LHFPL5: variants seen among roughly 807,000 people sequenced by gnomAD.
The protein encoded by LHFPL5 is LHFPL tetraspan subfamily member 5 protein.
LHFPL5 carries 12 observed loss-of-function variants against 18.7 expected under a neutral mutation model. The ratio of observed to expected loss-of-function variants is 0.64; its 90% CI spans 0.41 to 1.04. The LOEUF (loss-of-function observed/expected upper bound fraction) is 1.04. Ranked by LOEUF, LHFPL5 falls within the 50% of genes least tolerant of loss-of-function variation. LHFPL5 has a pLI of 0.00. For missense variants in LHFPL5, 259 were observed against 292.1 expected (o/e 0.89, Z 0.83); for synonymous variants, 111 against 120.2 (o/e 0.92, Z 0.50).
chr6:35,814,885 G>A lies in LHFPL5; in HGVS notation c.649+103G>A, dbSNP rs1422299340. 2.9e-6 allele frequency: 3 copies of A among 1,035,358 alleles called. No individual in the cohort carries two copies. In the African/African-American group the frequency reaches 4.7e-5, roughly 16 times the overall value. The allele number at this position is 1,035,358 out of a possible 1,614,324, so 64.1% of individuals were successfully genotyped here. A position where few individuals can be genotyped will look rare whatever the true frequency, so the allele number is the denominator to read the frequency against. On this transcript the variant is annotated intron_variant, in intron 2 of 3. Transcript: ENST00000360215. This position sits in a 1 kb window ranked among gnomAD's most constrained non-coding sequence, Gnocchi z 4.2. The stretch of plus-strand genomic sequence containing the variant: ...TCTAAGGCTTGGTCCCTGGCCAAGG[G>A]ATGGGGACACCAAGACTAATCAGAC...
intron 1 of LHFPL5, among the ~76,000 whole-genome samples, chr6:35,810,959 G>A (rs567463620): frequency 3.9e-5 from 6 of 152,230 alleles, no homozygotes; most frequent in African/African-American, 1.4e-4. Context: ...TGTATTTCTT[G>A]CTTATGGTCC....
chr6:35,823,256 G>GTTCC lies in LHFPL5; in HGVS notation c.*292_*295dup, dbSNP rs1172318483. 6.6e-6 allele frequency: 1 copy of GTTCC among 152,028 alleles called. No homozygotes were observed. The highest frequency in any genetic ancestry group is 2.4e-5 in the African/African-American group (1 of 41,356). 9.4% of individuals were successfully genotyped at this position (152,028 alleles called of 1,614,324 possible). ...GGATGGGATCCAAGTCCATTTCTTA[G>GTTCC]TTCCACACAGCAGCAAATCGCTTCA... On this transcript the variant is annotated 3_prime_UTR_variant, in exon 4 of 4. Transcript: ENST00000360215.
chr6:35,811,080 G>T (rs1768658384), intron 1 of LHFPL5, among the ~76,000 whole-genome samples: 1 of 152,162 alleles, frequency 6.6e-6, no homozygotes, highest in African/African-American at 2.4e-5. Context: ...AGGGAACTCT[G>T]GGAGGTCTCC....
chr6:35,818,874 C>T (rs995310948), intron 2 of LHFPL5, among the ~76,000 whole-genome samples: 6 of 152,058 alleles, frequency 3.9e-5, no homozygotes, highest in African/African-American at 1.2e-4. Context: ...CGTCATCACC[C>T]GGGCTGGAGT....
chr6:35,811,435 G>A (rs113940107), intron 1 of LHFPL5: 6,063 of 152,344 alleles, frequency 0.04, 155 homozygotes, highest in Non-Finnish European at 0.057. Context: ...AGTCAGAGAG[G>A]GTAAGTAACC....
In LHFPL5 at chr6:35,808,297, T is replaced by TTATATA. The variant is rs143892427; in HGVS notation, c.412+2228_412+2233dup. Among the ~76,000 whole-genome samples the TTATATA allele has an allele frequency of 1.5e-3, 212 of 142,098 alleles. 1 individual carries two copies. The highest frequency in any genetic ancestry group is 4.7e-3 in the African/African-American group (182 of 38,612). 93.2% of individuals were successfully genotyped at this position (142,098 alleles called of 152,430 possible). On this transcript the variant is annotated intron_variant, in intron 1 of 3. Transcript: ENST00000360215. The stretch of plus-strand genomic sequence containing the variant: ...AACATAGTGAGACCCTATCTCTATT[T>TTATATA]TATATATATATATATATAAATTAAA...
At position 35,814,724 on chromosome 6, in the gene LHFPL5, C is replaced by T. The variant is rs781007782; in HGVS notation, c.591C>T (p.Phe197=). 14 of 1,614,048 alleles carry T rather than the reference C, an allele frequency of 8.7e-6. No homozygotes were observed. The South Asian group carries it at 8.8e-5, about 10-fold the overall frequency. ...CCCTCATCCTCTCCTTCCTGGCCTTCGTGTTGGGCTACCGGCAGGACAAGC... is the reference window on the plus strand; with the variant it reads ...CCCTCATCCTCTCCTTCCTGGCCTTTGTGTTGGGCTACCGGCAGGACAAGC... ...GDALILSFLA[F]VLGYRQDKLL... Residue 197 remains phenylalanine, a synonymous_variant, in exon 2 of 4, where the codon TTC becomes TTT. Transcript: ENST00000360215. This position sits in a 1 kb window ranked among gnomAD's most constrained non-coding sequence, Gnocchi z 4.2.
chr6:35,816,365 A>G lies in LHFPL5; in HGVS notation c.649+1583A>G, dbSNP rs561199553. On this transcript the variant is annotated intron_variant, in intron 2 of 3. Transcript: ENST00000360215. ...CGTCTCAAAAAAAAAAAAAAAAGAA[A>G]AAAAAAGAAAAAGAAAACAAATTAC... is the stretch of plus-strand genomic sequence containing the variant. Among the ~76,000 whole-genome samples the G allele has an allele frequency of 1.1e-4, 16 of 151,598 alleles. No homozygotes were observed. The East Asian group carries it at 3.1e-3, about 30-fold the overall frequency.
chr6:35,812,492 A>C (rs1474102612), intron 1 of LHFPL5, among the ~76,000 whole-genome samples: 2 of 152,160 alleles, frequency 1.3e-5, no homozygotes, highest in African/African-American at 2.4e-5. Context: ...CAGCAAAGCT[A>C]AGGTGAGGGG....
In LHFPL5 at chr6:35,811,864, C is replaced by T. The variant is rs137926547; in HGVS notation, c.413-2682C>T. 3.7e-3 allele frequency among the ~76,000 whole-genome samples: 559 copies of T among 152,308 alleles called. 8 individuals carry two copies. Among genetic ancestry groups the T allele is most frequent in the Non-Finnish European group, 4.3e-3 (291 of 68,016 alleles). The stretch of plus-strand genomic sequence containing the variant: ...CTGAACACTTAGTTTTCACTGAACA[C>T]GTAGGAAGTCTGAAATGTCACCGCT... On this transcript the variant is annotated intron_variant, in intron 1 of 3. Coordinates refer to ENST00000360215, the MANE Select transcript of LHFPL5 (RefSeq NM_182548.4).
intron 2 of LHFPL5, among the ~76,000 whole-genome samples, chr6:35,819,056 C>G (rs1432712395): frequency 2.0e-5 from 3 of 152,098 alleles, no homozygotes; most frequent in African/African-American, 7.2e-5. Flanking sequence ...TGGTCTCGAA[C>G]TCCTGGCCTC....
rs1193008021 is a variant in LHFPL5 at position 35,823,467 on chromosome 6, A to ACTCTCT, written c.*503_*504insTCTCTC. ...TATATATACACACACACACACACAC[A>ACTCTCT]CACACACACACTCTCTCTCTCTCTC... On this transcript the variant is annotated 3_prime_UTR_variant, in exon 4 of 4. Coordinates refer to ENST00000360215, the MANE Select transcript of LHFPL5 (RefSeq NM_182548.4). 1 of 136,856 alleles carries ACTCTCT rather than the reference A, an allele frequency of 7.3e-6. No individual in the cohort carries two copies. The highest frequency in any genetic ancestry group is 3.0e-5 in the African/African-American group (1 of 33,364). 8.5% of individuals were successfully genotyped at this position (136,856 alleles called of 1,614,324 possible).
At chr6:35,817,826 A>G (rs1768790754) in intron 2 of LHFPL5, among the ~76,000 whole-genome samples, 1 of 152,264 alleles carries the variant, frequency 6.6e-6, no homozygotes, top group Non-Finnish European at 1.5e-5. Flanking sequence ...TAGAGTTACT[A>G]TATGACCCAG....
At chr6:35,816,345 C>CAAAAAAAAAAA (rs761580974) in intron 2 of LHFPL5, among the ~76,000 whole-genome samples, 4 of 77,464 alleles carry the variant, frequency 5.2e-5, no homozygotes, top group Non-Finnish European at 7.7e-5. Flanking sequence ...GACTCCGTCT[C>CAAAAAAAAAAA]AAAAAAAAAA....
At position 35,806,090 on chromosome 6, in the gene LHFPL5, G is replaced by C. The variant is rs779507224; in HGVS notation, c.412+8G>C. The C allele has an allele frequency of 6.2e-7, 1 of 1,613,278 alleles. No individual in the cohort carries two copies. Among genetic ancestry groups the C allele is most frequent in the Non-Finnish European group, 8.5e-7 (1 of 1,179,914 alleles). On this transcript the variant is annotated splice_region_variant and intron_variant, in intron 1 of 3. Coordinates refer to ENST00000360215, the MANE Select transcript of LHFPL5 (RefSeq NM_182548.4). ...GGATGCAGCTGGCTGCGGGTAAGCAGAGATGGTGGGAGGGCAGGCAGGGGC... is the reference window on the plus strand; with the variant it reads ...GGATGCAGCTGGCTGCGGGTAAGCACAGATGGTGGGAGGGCAGGCAGGGGC...
rs552590236 is a variant in LHFPL5 at position 35,814,086 on chromosome 6, C to T, written c.413-460C>T. On this transcript the variant is annotated intron_variant, in intron 1 of 3. Coordinates refer to ENST00000360215, the MANE Select transcript of LHFPL5 (RefSeq NM_182548.4). This position sits in a 1 kb window ranked among gnomAD's most constrained non-coding sequence, Gnocchi z 4.2. Reference sequence around the variant, plus strand: ...TGCTGGGATTACAGGTGTGAGCCACCACCCCCAGGCTAGACACTTTCTTAT... The same window carrying T: ...TGCTGGGATTACAGGTGTGAGCCACTACCCCCAGGCTAGACACTTTCTTAT... Among the ~76,000 whole-genome samples the T allele has an allele frequency of 2.6e-5, 4 of 152,308 alleles. No homozygotes were observed. The highest frequency in any genetic ancestry group is 9.6e-5 in the African/African-American group (4 of 41,568).
rs1561955621 is a variant in LHFPL5 at position 35,818,340 on chromosome 6, TATATATATG to T, written c.650-1096_650-1088del. ...AAAGCCATATATATATATATATATA[TATATATATG>T]TATTTTTTTTTTTTTTTTTTTTTTT... is the stretch of plus-strand genomic sequence containing the variant. On this transcript the variant is annotated intron_variant, in intron 2 of 3. Transcript: ENST00000360215. Among the ~76,000 whole-genome samples the T allele has an allele frequency of 8.6e-3, 130 of 15,114 alleles. 3 individuals are homozygous for T. Among genetic ancestry groups the T allele is most frequent in the East Asian group, 0.014 (5 of 370 alleles). 9.9% of individuals were successfully genotyped at this position (15,114 alleles called of 152,430 possible).
rs145382046 is a variant in LHFPL5 at position 35,810,360 on chromosome 6, G to A, written c.413-4186G>A. ...ACCCACTTCAGGGGGGTTCTGTGAA[G>A]ATGGGATAATAGAATGCATGTAAAA... On this transcript the variant is annotated intron_variant, in intron 1 of 3. Coordinates refer to ENST00000360215, the MANE Select transcript of LHFPL5 (RefSeq NM_182548.4). Among the ~76,000 whole-genome samples, 4 of 152,310 alleles carry A rather than the reference G, an allele frequency of 2.6e-5. No individual in the cohort carries two copies. The East Asian group carries it at 7.7e-4, about 29-fold the overall frequency.
chr6:35,821,348 G>GGGGTT (rs1267295842), intron 3 of LHFPL5, among the ~76,000 whole-genome samples: 1 of 151,890 alleles, frequency 6.6e-6, no homozygotes, highest in Non-Finnish European at 1.5e-5. Flanking sequence ...TTGGTGGGGT[G>GGGGTT]GGTCTGGGGC....
Sources: gnomAD v4.1 joint callset for allele counts (sites outside exome capture counted in the v4.1 genomes callset) on GRCh38, gnomAD v4.1.1 for gene constraint, Gnocchi (gnomAD v3.1) non-coding constraint, MANE v1.5 for transcripts, NCBI Gene and HGNC (gene_info 2026-07-23, HGNC 2026-07-21) for gene names.